The following ERN1 variants were observed in gnomAD, a reference collection of about 807,000 sequenced individuals.
ERN1 encodes the protein endoplasmic reticulum to nucleus signaling 1, also known as serine/threonine-protein kinase/endoribonuclease IRE1.
ERN1 carries 39 observed loss-of-function variants against 113.1 expected under a neutral mutation model. The observed-to-expected ratio is 0.34, with a 90% confidence interval of 0.27 to 0.45. ERN1 has a LOEUF of 0.45. Ranked by LOEUF, ERN1 falls within the 20% of genes least tolerant of loss-of-function variation. ERN1 has a pLI of 1.00. For missense variants in ERN1, 976 were observed against 1,274.8 expected (o/e 0.77, Z 3.57); for synonymous variants, 507 against 515.9 (o/e 0.98, Z 0.23).
At chr17:64,099,613 T>C (rs982992387) in intron 1 of ERN1, among the ~76,000 whole-genome samples, 2 of 152,060 alleles carry the variant, frequency 1.3e-5, no homozygotes, top group Admixed American at 6.5e-5. Flanking sequence ...TACAGAAGTA[T>C]GGAGCATTAA....
rs768133614 is a variant in ERN1 at position 64,080,794 on chromosome 17, C to G, written c.190G>C (p.Val64Leu). 6.0e-5 allele frequency: 96 copies of G among 1,610,754 alleles called. No homozygotes were observed. The highest frequency in any genetic ancestry group is 7.2e-5 in the Non-Finnish European group (85 of 1,178,488). The change falls in exon 3 of 22, where the codon GTC becomes CTC. Residue 64 changes from valine (V) to leucine (L), a missense_variant. Around this residue, in one of 5 missense-constraint regions of ERN1, gnomAD observed 459 missense variants for 581.2 expected, o/e 0.79. Transcript: ENST00000433197. ...ACTTACTCTTCCACATGTGTTGGGA[C>G]CTGCAGGACTGGATCTGTGCAAAAG... ...WTLKEDPVLQVPTHVEEPAFL... is the reference protein window; with the variant it reads ...WTLKEDPVLQLPTHVEEPAFL...
At chr17:64,092,390 C>T (rs2029760) in intron 2 of ERN1, among the ~76,000 whole-genome samples, 5,981 of 152,198 alleles carry the variant, frequency 0.039, 425 homozygotes, top group African/African-American at 0.13. Context: ...AAATTGTCTT[C>T]AAATTTCAAA....
At position 64,093,541 on chromosome 17, in the gene ERN1, A is replaced by C. The variant is rs144877800; in HGVS notation, c.175+4580T>G. Reference sequence around the variant, plus strand: ...TGGTTCTGGAAGCTGGAAGTCTGAGATTGGTTTCTGGTGAGGGCTCTCTTC... The same window carrying C: ...TGGTTCTGGAAGCTGGAAGTCTGAGCTTGGTTTCTGGTGAGGGCTCTCTTC... On this transcript the variant is annotated intron_variant, in intron 2 of 21. Coordinates refer to ENST00000433197, the MANE Select transcript of ERN1 (RefSeq NM_001433.5). Among the ~76,000 whole-genome samples, 190 of 152,254 alleles carry C rather than the reference A, an allele frequency of 1.2e-3. 1 individual carries two copies. The highest frequency in any genetic ancestry group is 4.0e-3 in the African/African-American group (166 of 41,554).
At chr17:64,129,711 C>A (rs1474250373) in intron 1 of ERN1, 3 of 379,066 alleles carry the variant, frequency 7.9e-6, no homozygotes, top group Non-Finnish European at 1.4e-5. Context: ...TCCGGGGAGC[C>A]GCTGCCCGTG....
Position 64,044,064 on chromosome 17 carries a change from T to C in ERN1, c.2858A>G (p.His953Arg). The C allele has an allele frequency of 1.2e-6, 2 of 1,613,518 alleles. No individual in the cohort carries two copies. Among genetic ancestry groups the C allele is most frequent in the South Asian group, 1.1e-5 (1 of 91,018 alleles). The change falls in exon 22 of 22, where the codon CAC becomes CGC. Residue 953 changes from histidine to arginine, a missense_variant. Physicochemically the swap from His to Arg is conservative, Grantham distance 29 (BLOSUM62 0). Coordinates refer to ENST00000433197, the MANE Select transcript of ERN1 (RefSeq NM_001433.5). This position sits in a 1 kb window ranked among gnomAD's most constrained non-coding sequence, Gnocchi z 4.1. ...HTYRAMELCS[H>R]ERLFQPYYFH... ...GTAGTAGGGCTGGAAGAGTCTCTCG[T>C]GGCTGCACAGCTCCATGGCCCGGTA...
intron 1 of ERN1, among the ~76,000 whole-genome samples, chr17:64,109,806 C>A (rs1270301790): frequency 6.6e-6 from 1 of 152,172 alleles, no homozygotes; most frequent in Non-Finnish European, 1.5e-5. Context: ...CCCCGTCTAG[C>A]CCTTTTGCCC....
At chr17:64,105,504 CTAA>C (rs1914500667) in intron 1 of ERN1, among the ~76,000 whole-genome samples, 1 of 152,176 alleles carries the variant, frequency 6.6e-6, no homozygotes, top group Non-Finnish European at 1.5e-5. Context: ...AATCATCTGG[CTAA>C]TAATAAAAAT....
Position 64,085,654 on chromosome 17 carries a change from C to G in ERN1, c.176-4846G>C, listed in dbSNP as rs73992922. Among the ~76,000 whole-genome samples, 377 of 152,296 alleles carry G rather than the reference C, an allele frequency of 2.5e-3. 4 individuals carry two copies. Among genetic ancestry groups the G allele is most frequent in the African/African-American group, 8.2e-3 (340 of 41,550 alleles). ...TCCATTGTTGATCACTTTTAATAAT[C>G]CAGCAGATAAGCTCTACTCACCCTG... On this transcript the variant is annotated intron_variant, in intron 2 of 21. Transcript: ENST00000433197.
intron 2 of ERN1, among the ~76,000 whole-genome samples, chr17:64,085,073 T>C (rs968721618): frequency 6.6e-6 from 1 of 152,230 alleles, no homozygotes; most frequent in Non-Finnish European, 1.5e-5. Flanking sequence ...TGGGATTTAT[T>C]TTTTGTTGTC....
rs1362419782 is a variant in ERN1 at position 64,130,120 on chromosome 17, G to A, written c.-91C>T. On this transcript the variant is annotated 5_prime_UTR_variant, in exon 1 of 22. Coordinates refer to ENST00000433197, the MANE Select transcript of ERN1 (RefSeq NM_001433.5). This position sits in a 1 kb window ranked among gnomAD's most constrained non-coding sequence, Gnocchi z 4.0. ...ACAGCGAGGCGGTGACCGAGCCTCA[G>A]CGGACGCAGAACTGACTAGGCAGCG... The A allele has an allele frequency of 1.7e-6, 2 of 1,193,152 alleles. No individual in the cohort carries two copies. The highest frequency in any genetic ancestry group is 2.1e-6 in the Non-Finnish European group (2 of 934,896). The allele number at this position is 1,193,152 out of a possible 1,614,324, so 73.9% of individuals were successfully genotyped here.
chr17:64,122,586 C>A (rs1346606677), intron 1 of ERN1, among the ~76,000 whole-genome samples: 1 of 152,146 alleles, frequency 6.6e-6, no homozygotes, highest in African/African-American at 2.4e-5. Context: ...TGGTAAAAAT[C>A]CTGTTCACTT....
At chr17:64,076,299 C>G (rs899363001) in intron 4 of ERN1, among the ~76,000 whole-genome samples, 1 of 152,174 alleles carries the variant, frequency 6.6e-6, no homozygotes, top group African/African-American at 2.4e-5. Context: ...GAAAAGATTT[C>G]TCTCTAGCTT....
chr17:64,079,804 G>A, intron 3 of ERN1, 70 bp from the exon 4 acceptor site: 4 of 1,222,614 alleles, frequency 3.3e-6, no homozygotes, highest in Middle Eastern at 1.9e-4. Flanking sequence ...CCAAAGCCAC[G>A]CAAACCCATG....
chr17:64,082,850 A>ATT (rs10694066), intron 2 of ERN1, among the ~76,000 whole-genome samples: 43,631 of 150,568 alleles, frequency 0.29, 8,572 homozygotes, highest in African/African-American at 0.56. Context: ...AAGAACTGTG[A>ATT]TTTTTTTTTT....
chr17:64,128,527 G>A (rs1915143330), intron 1 of ERN1, among the ~76,000 whole-genome samples: 1 of 152,096 alleles, frequency 6.6e-6, no homozygotes, highest in Non-Finnish European at 1.5e-5. Context: ...TGACAAAGTA[G>A]CAAAAGGAAA....
intron 2 of ERN1, among the ~76,000 whole-genome samples, chr17:64,093,156 C>T (rs76051321): frequency 0.086 from 13,132 of 151,962 alleles, 605 homozygotes; most frequent in African/African-American, 0.11. Context: ...TAAATAAATA[C>T]ATAAAAATGT....
intron 1 of ERN1, among the ~76,000 whole-genome samples, chr17:64,118,227 G>C (rs1914863069): frequency 6.6e-6 from 1 of 152,200 alleles, no homozygotes; most frequent in African/African-American, 2.4e-5. Context: ...TGAGGAAGCA[G>C]AGGGGGAAAT....
intron 2 of ERN1, 90 bp from the exon 3 acceptor site, chr17:64,080,898 G>A (rs570102384): frequency 4.9e-5 from 65 of 1,331,234 alleles, no homozygotes; most frequent in African/African-American, 1.3e-4. Context: ...AAGTTGTACC[G>A]GTAATAACTT....
chr17:64,111,809 A>C (rs911789668), intron 1 of ERN1, among the ~76,000 whole-genome samples: 66 of 152,212 alleles, frequency 4.3e-4, no homozygotes, highest in Non-Finnish European at 8.8e-4. Context: ...AAAGCAAAAC[A>C]AATATTGAGA....
Sources: gnomAD v4.1 joint callset for allele counts (sites outside exome capture counted in the v4.1 genomes callset) on GRCh38, gnomAD v4.1.1 for gene constraint, gnomAD v4.1.1 regional missense constraint, Gnocchi (gnomAD v3.1) non-coding constraint, MANE v1.5 for transcripts, NCBI Gene and HGNC (gene_info 2026-07-23, HGNC 2026-07-21) for gene names.